The following NPAS3 variants were observed in gnomAD, a reference collection of about 807,000 sequenced individuals.
The protein encoded by NPAS3 is neuronal PAS domain protein 3.
NPAS3 carries 14 observed loss-of-function variants against 73.1 expected under a neutral mutation model. The ratio of observed to expected loss-of-function variants is 0.19; its 90% CI spans 0.13 to 0.30. The LOEUF is 0.30. Ranked by LOEUF, NPAS3 falls within the 10% of genes least tolerant of loss-of-function variation. The pLI is 1.00. For missense variants in NPAS3, 1,096 were observed against 1,250.0 expected (o/e 0.88, Z 1.86); for synonymous variants, 620 against 541.5 (o/e 1.14, Z -2.01).
chr14:33,238,537 G>A (rs1035278847), intron 3 of NPAS3, among the ~76,000 whole-genome samples: 1 of 151,940 alleles, frequency 6.6e-6, no homozygotes, highest in African/African-American at 2.4e-5. Flanking sequence ...ACAAATTTGA[G>A]TAGTTTGAAT....
chr14:33,207,234 TAC>T (rs760045327), intron 2 of NPAS3, among the ~76,000 whole-genome samples: 1,443 of 88,406 alleles, frequency 0.016, 23 homozygotes, highest in African/African-American at 0.051. Context: ...CAAAGAACAT[TAC>T]ACACACACAC....
rs2063664678 is a variant in NPAS3 at position 33,800,408 on chromosome 14, GGTGGCGGTGGCGGGGGGCTGCAC to G, written c.2107_2129del (p.Gly703HisfsTer142). The G allele has an allele frequency of 6.3e-7, 1 of 1,599,882 alleles. No individual in the cohort carries two copies. The highest frequency in any genetic ancestry group is 8.5e-7 in the Non-Finnish European group (1 of 1,175,868). On this transcript the variant is annotated frameshift_variant, in exon 12 of 12. Transcript: ENST00000356141. LOFTEE classifies it high-confidence loss of function. The surrounding 1 kb of genome is among the most constrained non-coding windows in gnomAD (Gnocchi z 6.5). Reference sequence around the variant, plus strand: ...GTCCCCGCAGGGCGGCGGCGGTGGGGGTGGCGGTGGCGGGGGGCTGCACGTGGCCATTCCCGACTCGGTCCTCA... The same window carrying G: ...GTCCCCGCAGGGCGGCGGCGGTGGGGGTGGCCATTCCCGACTCGGTCCTCA...
intron 1 of NPAS3, among the ~76,000 whole-genome samples, chr14:33,024,134 G>A (rs955791379): frequency 2.3e-5 from 3 of 131,468 alleles, no homozygotes; most frequent in African/African-American, 1.0e-4. Flanking sequence ...ATATGTGTGT[G>A]TGTGTATATG....
In NPAS3 at chr14:32,958,995, A is replaced by G. The variant is rs182902829; in HGVS notation, c.50+19629A>G. On this transcript the variant is annotated intron_variant, in intron 1 of 11. Transcript: ENST00000356141. The stretch of plus-strand genomic sequence containing the variant: ...TTGTCTTGGGCCACACATAAAATAC[A>G]CTAATAATAACGATAGCTGATGAGC... 4.6e-3 allele frequency among the ~76,000 whole-genome samples: 624 copies of G among 135,688 alleles called. 2 individuals carry two copies. Among genetic ancestry groups the G allele is most frequent in the Non-Finnish European group, 6.4e-3 (395 of 61,516 alleles). 89.0% of individuals were successfully genotyped at this position (135,688 alleles called of 152,430 possible). A position where few individuals can be genotyped will look rare whatever the true frequency, so the allele number is the denominator to read the frequency against.
At chr14:33,387,119 C>T (rs1049574396) in intron 4 of NPAS3, among the ~76,000 whole-genome samples, 13 of 152,102 alleles carry the variant, frequency 8.5e-5, no homozygotes, top group African/African-American at 3.1e-4. Context: ...AGGACAGGGG[C>T]CTTCATAATT....
chr14:33,534,085 G>T (rs1264965717), intron 4 of NPAS3, among the ~76,000 whole-genome samples: 2 of 151,996 alleles, frequency 1.3e-5, no homozygotes, highest in African/African-American at 4.8e-5. Context: ...TTTATTCAGT[G>T]TCATAATCTA....
chr14:33,300,067 A>G (rs2042467317), intron 3 of NPAS3, among the ~76,000 whole-genome samples: 1 of 152,216 alleles, frequency 6.6e-6, no homozygotes. Context: ...TAATTAAAAT[A>G]TGCTTTGAGT....
chr14:33,162,062 G>A (rs1371760268), intron 2 of NPAS3, among the ~76,000 whole-genome samples: 6 of 152,210 alleles, frequency 3.9e-5, no homozygotes, highest in African/African-American at 1.4e-4. Context: ...GCACCATGCC[G>A]GGCACATGGC....
At chr14:33,303,579 G>T (rs1216762923) in intron 3 of NPAS3, among the ~76,000 whole-genome samples, 1 of 152,068 alleles carries the variant, frequency 6.6e-6, no homozygotes, top group Non-Finnish European at 1.5e-5. Context: ...GGGAACAATG[G>T]AAGATGGCCA....
chr14:32,958,032 T>C (rs2036754214), intron 1 of NPAS3, among the ~76,000 whole-genome samples: 1 of 152,216 alleles, frequency 6.6e-6, no homozygotes, highest in Non-Finnish European at 1.5e-5. Flanking sequence ...CACTCTTTGC[T>C]GTACTCCTTT....
intron 5 of NPAS3, among the ~76,000 whole-genome samples, chr14:33,563,225 T>G (rs990206477): frequency 2.6e-5 from 4 of 152,244 alleles, no homozygotes; most frequent in South Asian, 2.1e-4. Context: ...ATGTGGTGGC[T>G]TTAAAACAGC....
intron 10 of NPAS3, 142 bp downstream of exon 10, chr14:33,794,186 C>G: frequency 2.9e-6 from 2 of 695,378 alleles, no homozygotes; most frequent in Non-Finnish European, 4.8e-6. Flanking sequence ...TTCTGCTGTT[C>G]TTTCCACAAG....
intron 4 of NPAS3, among the ~76,000 whole-genome samples, chr14:33,368,207 G>A (rs935454790): frequency 3.3e-5 from 5 of 151,750 alleles, no homozygotes; most frequent in Admixed American, 6.6e-5. Flanking sequence ...TATAAACAGG[G>A]CCTTTATGGT....
intron 6 of NPAS3, among the ~76,000 whole-genome samples, chr14:33,713,955 C>T (rs1371482768): frequency 3.3e-5 from 5 of 152,088 alleles, no homozygotes; most frequent in Non-Finnish European, 7.4e-5. Flanking sequence ...GACTCTTGTA[C>T]AGGCTGTTTC....
chr14:33,102,820 A>G (rs1031257518), intron 2 of NPAS3, among the ~76,000 whole-genome samples: 4 of 152,188 alleles, frequency 2.6e-5, no homozygotes, highest in African/African-American at 9.6e-5. Context: ...ACCAAAACAG[A>G]GAAAATTACC....
intron 4 of NPAS3, among the ~76,000 whole-genome samples, chr14:33,450,391 G>A (rs2139376519): frequency 6.6e-6 from 1 of 152,186 alleles, no homozygotes; most frequent in African/African-American, 2.4e-5. Context: ...ACAAAGAAAA[G>A]CAAAGTGACT....
At chr14:33,197,271 T>TGTGTGTGTGTGTGTGTG (rs1466236792) in intron 2 of NPAS3, among the ~76,000 whole-genome samples, 3 of 28,966 alleles carry the variant, frequency 1.0e-4, no homozygotes, top group African/African-American at 2.9e-4. Context: ...GTGTGTGTTC[T>TGTGTGTGTGTGTGTGTG]TTTTCAATTG....
At chr14:33,670,888 C>G (rs1010412517) in intron 5 of NPAS3, among the ~76,000 whole-genome samples, 2 of 142,056 alleles carry the variant, frequency 1.4e-5, no homozygotes, top group Admixed American at 7.6e-5. Flanking sequence ...AAGAGATTAA[C>G]TAAGAGCCCT....
At chr14:33,680,841 T>C (rs2140357884) in intron 6 of NPAS3, 1 of 556,452 alleles carries the variant, frequency 1.8e-6, no homozygotes, top group East Asian at 2.9e-5. Context: ...GCTAACCCAT[T>C]GGTTGTGTAA....
Sources: gnomAD v4.1 joint callset for allele counts (sites outside exome capture counted in the v4.1 genomes callset) on GRCh38, gnomAD v4.1.1 for gene constraint, Gnocchi (gnomAD v3.1) non-coding constraint, MANE v1.5 for transcripts, NCBI Gene and HGNC (gene_info 2026-07-23, HGNC 2026-07-21) for gene names.